PIK3C2A: variants seen among roughly 807,000 people sequenced by gnomAD.
PIK3C2A encodes phosphatidylinositol-4-phosphate 3-kinase catalytic subunit type 2 alpha, also known as phosphatidylinositol 4-phosphate 3-kinase C2 domain-containing subunit alpha.
PIK3C2A carries 97 observed loss-of-function variants against 204.5 expected under a neutral mutation model. The ratio of observed to expected loss-of-function variants is 0.47; its 90% CI spans 0.40 to 0.56. The LOEUF is 0.56. PIK3C2A is among the 20% of genes least tolerant of loss of function. The pLI, the probability that PIK3C2A is intolerant of heterozygous loss-of-function variation, is 0.00. For synonymous variants in PIK3C2A, 653 were observed against 664.4 expected, an observed-to-expected ratio of 0.98 and a Z score of 0.26; for missense variants, 1,735 against 1,969.2, an observed-to-expected ratio of 0.88 and a Z score of 2.25.
chr11:17,133,311 C>G (rs1377129195), intron 11 of PIK3C2A, among the ~76,000 whole-genome samples: 1 of 151,362 alleles, frequency 6.6e-6, no homozygotes, highest in Non-Finnish European at 1.5e-5. Context: ...GATTATTATC[C>G]CTGTAATGAA....
At chr11:17,146,112 A>T (rs1850235460) in intron 6 of PIK3C2A, among the ~76,000 whole-genome samples, 170 bp from the exon 7 acceptor site, 1 of 152,236 alleles carries the variant, frequency 6.6e-6, no homozygotes, top group Non-Finnish European at 1.5e-5. Context: ...CTCAGAAAAA[A>T]AGTGAGTCAA....
chr11:17,171,958 G>C (rs529433136), intron 1 of PIK3C2A, among the ~76,000 whole-genome samples: 2 of 152,202 alleles, frequency 1.3e-5, no homozygotes, highest in Non-Finnish European at 2.9e-5. Flanking sequence ...TAGCAGGATA[G>C]ATGGATAAAT....
intron 19 of PIK3C2A, 48 bp from the exon 20 acceptor site, chr11:17,114,513 C>A: frequency 1.2e-6 from 1 of 862,850 alleles, no homozygotes; most frequent in Non-Finnish European, 1.9e-6. Flanking sequence ...AAATGAAGAT[C>A]TATTTTTCAG....
chr11:17,143,637 AC>A (rs1327902872), intron 8 of PIK3C2A, among the ~76,000 whole-genome samples: 152 of 134,672 alleles, frequency 1.1e-3, no homozygotes, highest in African/African-American at 2.9e-3. Context: ...AAAAAAAAAA[AC>A]AAAAAAAAAA....
At chr11:17,103,740 A>G (rs1235384196) in intron 23 of PIK3C2A, among the ~76,000 whole-genome samples, 1 of 152,266 alleles carries the variant, frequency 6.6e-6, no homozygotes, top group Non-Finnish European at 1.5e-5. Flanking sequence ...CCAAGATCAC[A>G]TAATTGTTAA....
At chr11:17,178,697 C>A (rs1405003320) in intron 1 of PIK3C2A, among the ~76,000 whole-genome samples, 2 of 149,946 alleles carry the variant, frequency 1.3e-5, no homozygotes, top group Non-Finnish European at 3.0e-5. Flanking sequence ...AGCCACCACA[C>A]CTGGTTGATT....
chr11:17,150,031 T>TA (rs1850376853), intron 4 of PIK3C2A, among the ~76,000 whole-genome samples: 3 of 152,100 alleles, frequency 2.0e-5, no homozygotes. Flanking sequence ...TTTTTAAAAC[T>TA]ATAAAAAAAA....
chr11:17,160,698 C>T (rs1298630456), intron 2 of PIK3C2A, among the ~76,000 whole-genome samples: 2 of 152,052 alleles, frequency 1.3e-5, no homozygotes, highest in Admixed American at 1.3e-4. Flanking sequence ...ATGGCATGCC[C>T]CTGTAGTCCC....
At chr11:17,201,051 C>T (rs927537956) in intron 1 of PIK3C2A, among the ~76,000 whole-genome samples, 2 of 151,730 alleles carry the variant, frequency 1.3e-5, no homozygotes, top group African/African-American at 4.8e-5. Context: ...ACTAAAAACC[C>T]AAAAATTAGC....
chr11:17,103,443 T>G (rs1377107063), intron 23 of PIK3C2A, among the ~76,000 whole-genome samples: 2 of 152,160 alleles, frequency 1.3e-5, no homozygotes, highest in African/African-American at 4.8e-5. Flanking sequence ...GCATGTGTAT[T>G]TAGTTTATTT....
At chr11:17,091,291 AAAT>A (rs532253771) in intron 32 of PIK3C2A, 40 bp downstream of exon 32, 5 of 1,560,116 alleles carry the variant, frequency 3.2e-6, no homozygotes, top group African/African-American at 1.4e-5. Flanking sequence ...AAAATTAAAA[AAAT>A]AATAAACCAA....
At chr11:17,112,727 T>C (rs1022780212) in intron 20 of PIK3C2A, 61 bp from the exon 21 acceptor site, 1 of 775,004 alleles carries the variant, frequency 1.3e-6, no homozygotes, top group South Asian at 2.2e-5. Context: ...GAATTTTTTT[T>C]TGTCCTACGC....
intron 1 of PIK3C2A, chr11:17,193,585 C>T (rs1332271479): frequency 3.6e-5 from 14 of 387,100 alleles, no homozygotes; most frequent in Admixed American, 1.8e-4. Flanking sequence ...TGGTGGCTTA[C>T]GCCCGTAATC....
intron 19 of PIK3C2A, among the ~76,000 whole-genome samples, chr11:17,116,572 C>T (rs946027278): frequency 2.6e-5 from 4 of 151,918 alleles, no homozygotes; most frequent in Admixed American, 6.6e-5. Flanking sequence ...CAAATTTATA[C>T]ATGAATATTC....
intron 13 of PIK3C2A, among the ~76,000 whole-genome samples, chr11:17,128,874 G>T (rs1033799165): frequency 1.2e-4 from 18 of 152,146 alleles, no homozygotes; most frequent in Admixed American, 9.8e-4. Context: ...GATTAGTAAA[G>T]AGAATTAAGG....
chr11:17,115,533 C>T (rs555007170), intron 19 of PIK3C2A: 155 of 128,886 alleles, frequency 1.2e-3, no homozygotes, highest in African/African-American at 4.3e-3. Flanking sequence ...AGAGAGACCT[C>T]ATCTCAAGGA....
intron 3 of PIK3C2A, among the ~76,000 whole-genome samples, chr11:17,151,430 GAAGTA>G (rs897358097): frequency 6.6e-5 from 10 of 152,162 alleles, no homozygotes; most frequent in Non-Finnish European, 1.3e-4. Flanking sequence ...ATGAATGCTA[GAAGTA>G]TTGTATACTT....
Position 17,148,651 on chromosome 11 carries a change from A to T in PIK3C2A, c.1448+16T>A. The T allele has an allele frequency of 6.2e-7, 1 of 1,610,172 alleles. No homozygotes were observed. On this transcript the variant is annotated intron_variant, in intron 5 of 32. Coordinates refer to ENST00000691414, the MANE Select transcript of PIK3C2A (RefSeq NM_002645.4). ...GAAATTTCCAAGGATGTTGCTCAGTAGTTAAATAAACTTACTTCTGCAGCA... is the reference window on the plus strand; with the variant it reads ...GAAATTTCCAAGGATGTTGCTCAGTTGTTAAATAAACTTACTTCTGCAGCA...
chr11:17,106,376 C>T lies in PIK3C2A; in HGVS notation c.3545-1071G>A, dbSNP rs142497118. Among the ~76,000 whole-genome samples the T allele has an allele frequency of 3.5e-3, 534 of 152,112 alleles. 1 individual carries two copies. Among genetic ancestry groups the T allele is most frequent in the African/African-American group, 4.4e-3 (184 of 41,478 alleles). On this transcript the variant is annotated intron_variant, in intron 22 of 32. Transcript: ENST00000691414. ...GCAGTGAGTCAAGATGACACCACTG[C>T]GCTCCAGCCTGGACGACAGCGAGAC...
Sources: allele counts gnomAD v4.1 joint callset (sites outside exome capture counted in the v4.1 genomes callset), GRCh38; gene constraint gnomAD v4.1.1; transcripts MANE v1.5; gene names NCBI Gene and HGNC (gene_info 2026-07-23, HGNC 2026-07-21).